Variants in LPP observed in about 807,000 individuals in gnomAD.
The protein encoded by LPP is lipoma-preferred partner.
Under a neutral mutation model 60.4 loss-of-function variants are expected in LPP, and 38 were observed. The observed-to-expected ratio is 0.63, with a 90% CI of 0.49 to 0.83. LPP has a LOEUF of 0.83. Among genes scored for constraint, LPP ranks in the 40% least tolerant of loss-of-function variants. The pLI, the probability that LPP is intolerant of heterozygous loss-of-function variation, is 0.00. For missense variants in LPP, 902 were observed against 783.6 expected (o/e 1.15, Z -1.80); for synonymous variants, 328 against 290.8 (o/e 1.13, Z -1.30).
At chr3:188,773,375 TAA>T (rs1491261553) in intron 9 of LPP, among the ~76,000 whole-genome samples, 50 of 138,794 alleles carry the variant, frequency 3.6e-4, no homozygotes, top group African/African-American at 1.3e-3. Flanking sequence ...TATATATATA[TAA>T]ATTTTTTTAA....
chr3:188,752,208 A>G (rs2221912), intron 8 of LPP, among the ~76,000 whole-genome samples: 140,470 of 152,294 alleles, frequency 0.92, 64,908 homozygotes, highest in East Asian at 1. Flanking sequence ...AGAAGCCTAG[A>G]AAAGGTTACT....
At chr3:188,180,506 A>C (rs528531833) in intron 1 of LPP, 186 of 154,498 alleles carry the variant, frequency 1.2e-3, no homozygotes, top group Non-Finnish European at 2.0e-3. Context: ...AAGAAGACTT[A>C]AGGCAAAAAC....
intron 6 of LPP, among the ~76,000 whole-genome samples, chr3:188,588,503 A>G (rs1837973287): frequency 6.6e-6 from 1 of 152,108 alleles, no homozygotes; most frequent in African/African-American, 2.4e-5. Flanking sequence ...GAGGTGGCTA[A>G]CAGAACAACT....
rs1224140789 is a variant in LPP, at chr3:188,881,750, T to C, written c.*7271T>C. 8.9e-6 allele frequency: 2 copies of C among 223,770 alleles called. No individual in the cohort carries two copies. The highest frequency in any genetic ancestry group is 1.8e-5 in the Non-Finnish European group (2 of 112,092). 13.9% of individuals were successfully genotyped at this position (223,770 alleles called of 1,614,324 possible). On this transcript the variant is annotated 3_prime_UTR_variant, in exon 12 of 12. Transcript: ENST00000617246. The stretch of plus-strand genomic sequence containing the variant: ...TTCATATTCCATTCAACCTTTTCCT[T>C]TTATCCTTGTCTTCTTCAGAATAAG...
At chr3:188,673,509 A>G (rs909275090) in intron 7 of LPP, among the ~76,000 whole-genome samples, 4 of 152,164 alleles carry the variant, frequency 2.6e-5, no homozygotes, top group African/African-American at 7.2e-5. Context: ...ACCAACATCA[A>G]TCATAATTAG....
At chr3:188,764,891 G>A (rs1182196814) in intron 9 of LPP, among the ~76,000 whole-genome samples, 1 of 152,104 alleles carries the variant, frequency 6.6e-6, no homozygotes, top group Non-Finnish European at 1.5e-5. Flanking sequence ...AAATCCAAAT[G>A]ACTAAAGGGC....
intron 9 of LPP, among the ~76,000 whole-genome samples, chr3:188,780,625 C>G (rs1295696056): frequency 1.3e-5 from 2 of 152,148 alleles, no homozygotes; most frequent in Non-Finnish European, 2.9e-5. Flanking sequence ...TAGTAAAAGT[C>G]CACTTCCTCT....
At chr3:188,405,326 C>T (rs977270434) in intron 3 of LPP, among the ~76,000 whole-genome samples, 12 of 152,148 alleles carry the variant, frequency 7.9e-5, no homozygotes, top group Non-Finnish European at 7.3e-5. Flanking sequence ...AATAAACTTT[C>T]AGTGGTTCCT....
At chr3:188,603,566 G>A (rs1467036414) in intron 6 of LPP, among the ~76,000 whole-genome samples, 1 of 152,116 alleles carries the variant, frequency 6.6e-6, no homozygotes, top group South Asian at 2.1e-4. Context: ...AGGAGTAACT[G>A]TGAGGATTAT....
At chr3:188,706,812 G>A (rs1242024977) in intron 7 of LPP, among the ~76,000 whole-genome samples, 5 of 152,152 alleles carry the variant, frequency 3.3e-5, no homozygotes, top group Non-Finnish European at 7.4e-5. Flanking sequence ...TTTTAACAAT[G>A]CATAAATATC....
chr3:188,625,697 T>C (rs975359441), intron 7 of LPP, among the ~76,000 whole-genome samples: 3 of 152,158 alleles, frequency 2.0e-5, no homozygotes, highest in African/African-American at 7.2e-5. Flanking sequence ...AACATTTAGA[T>C]TGATAAACAT....
At chr3:188,812,178 A>C (rs1316796618) in intron 9 of LPP, among the ~76,000 whole-genome samples, 1 of 152,152 alleles carries the variant, frequency 6.6e-6, no homozygotes, top group Non-Finnish European at 1.5e-5. Context: ...CATATAGTTG[A>C]TGATCTAAGC....
At chr3:188,403,957 C>A (rs1395147301) in intron 3 of LPP, among the ~76,000 whole-genome samples, 1 of 152,032 alleles carries the variant, frequency 6.6e-6, no homozygotes, top group Non-Finnish European at 1.5e-5. Flanking sequence ...AAGAAAGGCC[C>A]TGTAACCAGA....
chr3:188,179,061 A>T, intron 1 of LPP: 1 of 314,178 alleles, frequency 3.2e-6, no homozygotes, highest in Non-Finnish European at 6.3e-6. Flanking sequence ...AGAGAGAGAG[A>T]GAGAGTGAGC....
intron 7 of LPP, among the ~76,000 whole-genome samples, chr3:188,702,397 G>A (rs1425654625): frequency 2.0e-5 from 3 of 148,792 alleles, no homozygotes; most frequent in Non-Finnish European, 4.4e-5. Context: ...CAAACTACAG[G>A]TCATCTTTTT....
intron 4 of LPP, among the ~76,000 whole-genome samples, chr3:188,428,244 C>G (rs1220495595): frequency 6.6e-6 from 1 of 152,118 alleles, no homozygotes; most frequent in South Asian, 2.1e-4. Context: ...TGGGCTGCAC[C>G]CACTGTCTAA....
intron 7 of LPP, among the ~76,000 whole-genome samples, chr3:188,683,701 T>C (rs1170153980): frequency 1.3e-5 from 2 of 152,154 alleles, no homozygotes; most frequent in Non-Finnish European, 2.9e-5. Flanking sequence ...TTTATGAAAA[T>C]GTGTCGTCAG....
chr3:188,735,681 G>A (rs1382992379), intron 8 of LPP, among the ~76,000 whole-genome samples: 1 of 152,118 alleles, frequency 6.6e-6, no homozygotes, highest in Non-Finnish European at 1.5e-5. Context: ...ACTGTGCCTG[G>A]CCTGTAATAA....
rs1481062025 is a variant in LPP at position 188,569,108 on chromosome 3, T to C, written c.430-40053T>C. 4 of 151,774 alleles carry C rather than the reference T, an allele frequency of 2.6e-5. No homozygotes were observed. The East Asian group carries it at 7.8e-4, about 30-fold the overall frequency. 9.4% of individuals were successfully genotyped at this position (151,774 alleles called of 1,614,324 possible). A position where few individuals can be genotyped will look rare whatever the true frequency, so the allele number is the denominator to read the frequency against. ...TGGTGTTTTTGGCTGAGTGAGGAATTTGAAGTATCTGGAAAATGGAGTAAG... is the reference window on the plus strand; with the variant it reads ...TGGTGTTTTTGGCTGAGTGAGGAATCTGAAGTATCTGGAAAATGGAGTAAG... On this transcript the variant is annotated intron_variant, in intron 6 of 11. Transcript: ENST00000617246.
Sources: gnomAD v4.1 joint callset for allele counts (sites outside exome capture counted in the v4.1 genomes callset) on GRCh38, gnomAD v4.1.1 for gene constraint, MANE v1.5 for transcripts, NCBI Gene and HGNC (gene_info 2026-07-23, HGNC 2026-07-21) for gene names.